Variants in FAM13B observed in about 807,000 individuals in gnomAD.
FAM13B encodes family with sequence similarity 13 member B.
In FAM13B, 60 loss-of-function variants were observed where a neutral mutation model predicts 117.3. The observed-to-expected ratio is 0.51, with a 90% CI of 0.42 to 0.63. FAM13B has a LOEUF of 0.63. FAM13B is among the 30% of genes least tolerant of loss of function. The probability of loss-of-function intolerance (pLI) is 0.00; values close to 1 mark genes in which losing one functional copy is unlikely to be tolerated. For missense variants in FAM13B, 972 were observed against 1,091.9 expected (o/e 0.89, Z 1.55); for synonymous variants, 332 against 356.1 (o/e 0.93, Z 0.76).
At chr5:137,966,484 TATATAG>T (rs1181711947) in intron 10 of FAM13B, among the ~76,000 whole-genome samples, 2,867 of 50,296 alleles carry the variant, frequency 0.057, 44 homozygotes, top group Non-Finnish European at 0.062. Flanking sequence ...TATATATATA[TATATAG>T]AGAGAGAGAG....
At position 138,008,519 on chromosome 5, in the gene FAM13B, T is replaced by A. The variant is rs111284294; in HGVS notation, c.691-1372A>T. On this transcript the variant is annotated intron_variant, in intron 6 of 23. Transcript: ENST00000689681. ...AATACCTATATTCACACATCCCTAC[T>A]TGTCCCTAACTTTCTCTGGCAACTT... is the stretch of plus-strand genomic sequence containing the variant. Among the ~76,000 whole-genome samples, 35 of 152,342 alleles carry A rather than the reference T, an allele frequency of 2.3e-4. 3 individuals are homozygous for A. The highest frequency in any genetic ancestry group is 7.9e-4 in the African/African-American group (33 of 41,580).
chr5:137,980,352 G>T (rs1479126537), intron 10 of FAM13B, among the ~76,000 whole-genome samples: 1 of 151,260 alleles, frequency 6.6e-6, no homozygotes, highest in Non-Finnish European at 1.5e-5. Flanking sequence ...TCAAGGCCAA[G>T]AACCCATCAT....
At chr5:138,023,271 G>A (rs1190675882) in intron 1 of FAM13B, among the ~76,000 whole-genome samples, 1 of 152,116 alleles carries the variant, frequency 6.6e-6, no homozygotes, top group Admixed American at 6.6e-5. Flanking sequence ...CCTTTCTGAC[G>A]ACAAGTTTCT....
chr5:137,981,647 G>A (rs1775785563), intron 10 of FAM13B, among the ~76,000 whole-genome samples: 1 of 151,932 alleles, frequency 6.6e-6, no homozygotes, highest in African/African-American at 2.4e-5. Flanking sequence ...TTAGCCGGGC[G>A]TGGTGGCACA....
intron 7 of FAM13B, among the ~76,000 whole-genome samples, chr5:138,000,912 A>AAGTGCCAGTT (rs1373712447): frequency 6.8e-5 from 10 of 147,948 alleles, no homozygotes; most frequent in African/African-American, 2.5e-4. Context: ...CCTGGGCGAC[A>AAGTGCCAGTT]GAGCAAGACA....
At chr5:138,050,438 AAAAC>A (rs33916276) in intron 1 of FAM13B, among the ~76,000 whole-genome samples, 112,501 of 150,560 alleles carry the variant, frequency 0.75, 42,531 homozygotes, top group East Asian at 0.97. Context: ...ACTCCGTCTC[AAAAC>A]AAACAAACAA....
At chr5:137,996,954 C>T (rs1427196596) in intron 7 of FAM13B, among the ~76,000 whole-genome samples, 1 of 152,158 alleles carries the variant, frequency 6.6e-6, no homozygotes, top group Non-Finnish European at 1.5e-5. Flanking sequence ...TTTAAATGAA[C>T]TTTATAACAC....
At chr5:137,977,506 A>G (rs1252330616) in intron 10 of FAM13B, among the ~76,000 whole-genome samples, 1 of 152,172 alleles carries the variant, frequency 6.6e-6, no homozygotes, top group Non-Finnish European at 1.5e-5. Context: ...TCTCCCCCGG[A>G]TGCCCAGCTT....
intron 7 of FAM13B, among the ~76,000 whole-genome samples, chr5:138,000,898 C>T (rs1031653241): frequency 1.3e-5 from 2 of 149,432 alleles, no homozygotes; most frequent in African/African-American, 4.9e-5. Flanking sequence ...CCACTGCCCT[C>T]CAGCCTGGGC....
intron 17 of FAM13B, among the ~76,000 whole-genome samples, chr5:137,951,783 C>A (rs1765117171): frequency 6.6e-6 from 1 of 152,062 alleles, no homozygotes; most frequent in African/African-American, 2.4e-5. Flanking sequence ...TCGAGACCAG[C>A]CTGGGCAACA....
rs74957138 is a variant in FAM13B at position 137,989,126 on chromosome 5, C to T, written c.849-811G>A. Among the ~76,000 whole-genome samples, 1,330 of 152,360 alleles carry T rather than the reference C, an allele frequency of 8.7e-3. 9 individuals carry two copies. Among genetic ancestry groups the T allele is most frequent in the Middle Eastern group, 0.044 (13 of 294 alleles). On this transcript the variant is annotated intron_variant, in intron 7 of 23. Coordinates refer to ENST00000689681, the MANE Select transcript of FAM13B (RefSeq NM_001385994.1). ...CACTTAGCCATAGGGAGGAGTGACC[C>T]TGCCTTCTTGACCTGAACACCACAT...
At position 137,975,980 on chromosome 5, in the gene FAM13B, C is replaced by CTTTTTTTTTTTTTTTT. The variant is rs57478594; in HGVS notation, c.1179+9276_1179+9277insAAAAAAAAAAAAAAAA. On this transcript the variant is annotated intron_variant, in intron 10 of 23. Coordinates refer to ENST00000689681, the MANE Select transcript of FAM13B (RefSeq NM_001385994.1). ...CCACAACCAGACTGCTCAACTCTTCCTTTTTTTTTTTTTTTGAGACAGTCT... is the reference window on the plus strand; with the variant it reads ...CCACAACCAGACTGCTCAACTCTTCCTTTTTTTTTTTTTTTTTTTTTTTTTTTTTTTGAGACAGTCT... Among the ~76,000 whole-genome samples the CTTTTTTTTTTTTTTTT allele has an allele frequency of 2.8e-3, 310 of 110,140 alleles. 20 individuals carry two copies. The highest frequency in any genetic ancestry group is 3.9e-3 in the African/African-American group (105 of 27,056). 72.3% of individuals were successfully genotyped at this position (110,140 alleles called of 152,430 possible).
At chr5:137,980,269 A>C (rs1215514291) in intron 10 of FAM13B, among the ~76,000 whole-genome samples, 1 of 151,974 alleles carries the variant, frequency 6.6e-6, no homozygotes, top group Non-Finnish European at 1.5e-5. Flanking sequence ...CAACTGAACT[A>C]ACTTATTCAA....
intron 11 of FAM13B, 124 bp from the exon 12 acceptor site, chr5:137,960,338 G>A: frequency 1.9e-6 from 1 of 531,072 alleles, no homozygotes; most frequent in Non-Finnish European, 3.3e-6. Context: ...AGGAGAAAAT[G>A]CCAACTGGAC....
chr5:137,946,869 A>G (rs1763587053), intron 18 of FAM13B, among the ~76,000 whole-genome samples: 1 of 152,232 alleles, frequency 6.6e-6, no homozygotes, highest in African/African-American at 2.4e-5. Context: ...GAAGCAGTAT[A>G]GTGGAAAGAT....
intron 20 of FAM13B, among the ~76,000 whole-genome samples, chr5:137,944,175 A>G (rs1762725436): frequency 1.3e-5 from 2 of 152,144 alleles, no homozygotes; most frequent in South Asian, 4.2e-4. Context: ...AGGTTCACCC[A>G]TGTTGTGGCA....
chr5:138,024,844 G>A (rs1787837331), intron 1 of FAM13B, among the ~76,000 whole-genome samples: 1 of 148,914 alleles, frequency 6.7e-6, no homozygotes, highest in South Asian at 2.2e-4. Flanking sequence ...GAAAGAGAGA[G>A]AGAGAGAGTT....
chr5:137,997,346 G>C (rs557520976), intron 7 of FAM13B, among the ~76,000 whole-genome samples: 1 of 152,090 alleles, frequency 6.6e-6, no homozygotes, highest in Non-Finnish European at 1.5e-5. Flanking sequence ...GCAGGCACCT[G>C]TAATCCCAGC....
At position 137,966,506 on chromosome 5, in the gene FAM13B, G is replaced by T. The variant is rs1389983206; in HGVS notation, c.1180-4037C>A. Among the ~76,000 whole-genome samples the T allele has an allele frequency of 2.8e-5, 4 of 143,142 alleles. No individual in the cohort carries two copies. The East Asian group carries it at 8.1e-4, about 29-fold the overall frequency. The allele number at this position is 143,142 out of a possible 152,430, so 93.9% of individuals were successfully genotyped here. A position where few individuals can be genotyped will look rare whatever the true frequency, so the allele number is the denominator to read the frequency against. ...ATATATATAGAGAGAGAGAGAGAGA[G>T]AGAGAGAGAGAGAGAGAGGGAAAGA... On this transcript the variant is annotated intron_variant, in intron 10 of 23. Transcript: ENST00000689681.
Sources: gnomAD v4.1 joint callset for allele counts (sites outside exome capture counted in the v4.1 genomes callset) on GRCh38, gnomAD v4.1.1 for gene constraint, MANE v1.5 for transcripts, NCBI Gene and HGNC (gene_info 2026-07-23, HGNC 2026-07-21) for gene names.